PKD2L1: variants seen among roughly 807,000 people sequenced by gnomAD.
PKD2L1 encodes the protein polycystin-2-like protein 1.
In PKD2L1, 77 loss-of-function variants were observed where a neutral mutation model predicts 93.0. That is an observed-to-expected ratio of 0.83 (90% CI 0.69 to 1.00). The LOEUF is 1.00. Ranked by LOEUF, PKD2L1 falls within the 50% of genes least tolerant of loss-of-function variation. The pLI, the probability that PKD2L1 is intolerant of heterozygous loss-of-function variation, is 0.00. For missense variants in PKD2L1, 977 were observed against 990.9 expected, an observed-to-expected ratio of 0.99 and a Z score of 0.19; for synonymous variants, 390 against 388.0, an observed-to-expected ratio of 1.01 and a Z score of -0.06.
intron 7 of PKD2L1, among the ~76,000 whole-genome samples, chr10:100,295,726 C>T (rs1267608894): frequency 2.1e-5 from 2 of 95,246 alleles, no homozygotes. Flanking sequence ...AGTGAGACTT[C>T]GTCTCAAAAA....
In PKD2L1 at chr10:100,324,948, A is replaced by G. The variant is rs533261373; in HGVS notation, c.349+4263T>C. ...GAAAACAGCATCCTGATAGAGCAAC[A>G]CAACAGCCACCCCGCTTGGTGCCAG... On this transcript the variant is annotated intron_variant, in intron 2 of 15. Transcript: ENST00000318222. Among the ~76,000 whole-genome samples the G allele has an allele frequency of 2.0e-5, 3 of 152,342 alleles. No homozygotes were observed. In the East Asian group the frequency reaches 5.8e-4, roughly 29 times the overall value.
At chr10:100,312,955 AAC>A (rs1393854077) in intron 2 of PKD2L1, among the ~76,000 whole-genome samples, 1 of 151,942 alleles carries the variant, frequency 6.6e-6, no homozygotes, top group Non-Finnish European at 1.5e-5. Context: ...GAGATAAGGT[AAC>A]ATTTCTGCAG....
intron 11 of PKD2L1, 142 bp downstream of exon 11, chr10:100,292,806 T>A (rs1241313689): frequency 4.9e-6 from 4 of 814,614 alleles, no homozygotes; most frequent in African/African-American, 1.7e-5. Flanking sequence ...AGCGGAGACC[T>A]ACGGGCAAAG....
In PKD2L1 at chr10:100,296,968, T is replaced by G. The variant is rs753913359; in HGVS notation, c.1185+12A>C. On this transcript the variant is annotated intron_variant, in intron 6 of 15. Transcript: ENST00000318222. ...CCCAGAATGTCCCAAGTCCTAGATA[T>G]CTGTCCCTCACCAAGATGACCACCA... The G allele has an allele frequency of 6.3e-7, 1 of 1,575,142 alleles. No individual in the cohort carries two copies. The highest frequency in any genetic ancestry group is 8.7e-7 in the Non-Finnish European group (1 of 1,144,946).
At position 100,290,032 on chromosome 10, in the gene PKD2L1, C is replaced by T. The variant is rs1178868775; in HGVS notation, c.2233G>A (p.Ala745Thr). Residue 745 changes from alanine (A) to threonine (T), a missense_variant, in exon 14 of 16, where the codon GCT becomes ACT. By Grantham distance (58) the Ala-to-Thr change is moderately conservative. Transcript: ENST00000318222. ...LKMLERKGWL[A>T]PSPGVKEQAI... Reference sequence around the variant, plus strand: ...CCACTCACCACGCCTGGGGAGGGAGCCAGCCACCCCTTCCTCTCCAGCATT... The same window carrying T: ...CCACTCACCACGCCTGGGGAGGGAGTCAGCCACCCCTTCCTCTCCAGCATT... 1.2e-6 allele frequency: 2 copies of T among 1,614,014 alleles called. No homozygotes were observed. The highest frequency in any genetic ancestry group is 1.7e-6 in the Non-Finnish European group (2 of 1,179,994).
Position 100,291,378 on chromosome 10 carries a change from T to G in PKD2L1, c.1930A>C (p.Lys644Gln). The G allele has an allele frequency of 6.2e-7, 1 of 1,614,096 alleles. No individual in the cohort carries two copies. Among genetic ancestry groups the G allele is most frequent in the Non-Finnish European group, 8.5e-7 (1 of 1,179,972 alleles). ...EITELTATFT[K>Q]FDRDGNRILD... Reference sequence around the variant, plus strand: ...ATACGATTCCCATCTCTGTCAAACTTGGTGAAGGTGGCCGTGAGCTCAGTG... The same window carrying G: ...ATACGATTCCCATCTCTGTCAAACTGGGTGAAGGTGGCCGTGAGCTCAGTG... Residue 644 changes from lysine to glutamine, a missense_variant, in exon 12 of 16, where the codon AAG (lysine) becomes CAG (glutamine). By Grantham distance (53) the Lys-to-Gln change is moderately conservative. Coordinates refer to ENST00000318222, the MANE Select transcript of PKD2L1 (RefSeq NM_016112.3).
chr10:100,328,459 G>T (rs777728631), intron 2 of PKD2L1, among the ~76,000 whole-genome samples: 4 of 152,126 alleles, frequency 2.6e-5, no homozygotes, highest in Non-Finnish European at 4.4e-5. Flanking sequence ...AGGTCGCCTG[G>T]ATCTTTTACT....
Position 100,294,583 on chromosome 10 carries a change from G to T in PKD2L1, c.1611C>A (p.Gly537=), listed in dbSNP as rs1361504289. 2.5e-6 allele frequency: 4 copies of T among 1,613,874 alleles called. No homozygotes were observed. Among genetic ancestry groups the T allele is most frequent in the Non-Finnish European group, 3.4e-6 (4 of 1,179,928 alleles). ...AGACATAGGTGACAAAGTAGGCAGG[G>T]CCCAGGATGCGGTTGGCATTGTCGA... is the stretch of plus-strand genomic sequence containing the variant. ...NAIDNANRIL[G]PAYFVTYVFF... Residue 537 remains glycine, a synonymous_variant, in exon 9 of 16, where the codon GGC becomes GGA. Transcript: ENST00000318222.
chr10:100,308,278 C>A (rs770234557), intron 2 of PKD2L1, among the ~76,000 whole-genome samples: 1 of 151,876 alleles, frequency 6.6e-6, no homozygotes, highest in African/African-American at 2.4e-5. Flanking sequence ...TGAAAAATAC[C>A]AATAAAATAG....
intron 2 of PKD2L1, among the ~76,000 whole-genome samples, chr10:100,318,002 C>A (rs992116208): frequency 1.1e-4 from 16 of 152,094 alleles, no homozygotes; most frequent in African/African-American, 1.4e-4. Flanking sequence ...CTAACTTGAA[C>A]CTGGGAGGCG....
rs1478537036 is a variant in PKD2L1, at chr10:100,315,078, AG to A, written c.349+14132del. Among the ~76,000 whole-genome samples, 22 of 25,996 alleles carry A rather than the reference AG, an allele frequency of 8.5e-4. 3 individuals are homozygous for A. Among genetic ancestry groups the A allele is most frequent in the African/African-American group, 3.2e-3 (21 of 6,506 alleles). The allele number at this position is 25,996 out of a possible 152,430, so 17.1% of individuals were successfully genotyped here. A position where few individuals can be genotyped will look rare whatever the true frequency, so the allele number is the denominator to read the frequency against. ...AGGGAAGGGAAGGGAAGGGAAGGGAAGGGAAGGGAAGGGAAGGGAAGGGAAG... is the reference window on the plus strand; with the variant it reads ...AGGGAAGGGAAGGGAAGGGAAGGGAAGGAAGGGAAGGGAAGGGAAGGGAAG... On this transcript the variant is annotated intron_variant, in intron 2 of 15. Coordinates refer to ENST00000318222, the MANE Select transcript of PKD2L1 (RefSeq NM_016112.3).
intron 4 of PKD2L1, among the ~76,000 whole-genome samples, chr10:100,298,163 TG>T (rs746657232): frequency 2.0e-5 from 3 of 152,168 alleles, no homozygotes; most frequent in Non-Finnish European, 4.4e-5. Flanking sequence ...CTCCCTAATT[TG>T]TCATCCATCC....
At chr10:100,296,919 A>T (rs768229715) in intron 6 of PKD2L1, 61 bp downstream of exon 6, 1 of 1,099,912 alleles carries the variant, frequency 9.1e-7, no homozygotes, top group Non-Finnish European at 1.4e-6. Flanking sequence ...TGGAGCCCCT[A>T]TTAGGGTGGA....
chr10:100,294,559 G>T lies in PKD2L1; in HGVS notation c.1635C>A (p.Val545=), dbSNP rs766236342. 6.8e-6 allele frequency: 11 copies of T among 1,613,924 alleles called. No homozygotes were observed. The East Asian group carries it at 2.5e-4, about 36-fold the overall frequency. ...ILGPAYFVTY[V]FFVFFVLLNM... ...CCAGGAGCACGAAGAAGACGAAGAA[G>T]ACATAGGTGACAAAGTAGGCAGGGC... The change falls in exon 9 of 16, where the codon GTC becomes GTA. Residue 545 remains valine (V), a synonymous_variant. Coordinates refer to ENST00000318222, the MANE Select transcript of PKD2L1 (RefSeq NM_016112.3).
chr10:100,315,281 C>T (rs929289629), intron 2 of PKD2L1, among the ~76,000 whole-genome samples: 1 of 151,900 alleles, frequency 6.6e-6, no homozygotes, highest in African/African-American at 2.4e-5. Flanking sequence ...TTTGCTGCAC[C>T]TATCAACCCG....
At chr10:100,294,492 C>T (rs372306653) in intron 9 of PKD2L1, 43 bp downstream of exon 9, 2 of 1,611,894 alleles carry the variant, frequency 1.2e-6, no homozygotes, top group Admixed American at 3.3e-5. Flanking sequence ...AAAACTCCAC[C>T]CTGCAGGCTC....
intron 7 of PKD2L1, among the ~76,000 whole-genome samples, chr10:100,295,834 G>A (rs923427237): frequency 2.7e-5 from 4 of 150,234 alleles, no homozygotes; most frequent in South Asian, 2.1e-4. Context: ...TTGGGAGTTC[G>A]AGACCACCCT....
Position 100,297,020 on chromosome 10 carries a change from A to C in PKD2L1, c.1145T>G (p.Leu382Arg). 3 of 1,613,992 alleles carry C rather than the reference A, an allele frequency of 1.9e-6. No homozygotes were observed. Among genetic ancestry groups the C allele is most frequent in the Non-Finnish European group, 2.5e-6 (3 of 1,179,858 alleles). Residue 382 changes from leucine to arginine, a missense_variant, in exon 6 of 16, where the codon CTC becomes CGC. Physicochemically the swap from Leu to Arg is moderately radical, Grantham distance 102. Transcript: ENST00000318222. ...GTCCAGTATGTTCCAGATGCTGCTG[A>C]GGTAGCGAAGCCGGTGAATGTGGAG... Reference protein sequence around the residue: ...LELHIHRLRYLSSIWNILDLV... With the variant: ...LELHIHRLRYRSSIWNILDLV...
chr10:100,310,632 C>A (rs1243356208), intron 2 of PKD2L1, among the ~76,000 whole-genome samples: 1 of 152,036 alleles, frequency 6.6e-6, no homozygotes, highest in Non-Finnish European at 1.5e-5. Context: ...CCTAAAATTG[C>A]CCTTATAAAA....
Sources: allele counts gnomAD v4.1 joint callset (sites outside exome capture counted in the v4.1 genomes callset), GRCh38; gene constraint gnomAD v4.1.1; transcripts MANE v1.5; gene names NCBI Gene and HGNC (gene_info 2026-07-23, HGNC 2026-07-21).